Variants in TRIQK observed in about 807,000 individuals in gnomAD.
TRIQK encodes triple QxxK/R motif containing, also known as triple QxxK/R motif-containing protein.
TRIQK carries 10 observed loss-of-function variants against 10.8 expected under a neutral mutation model. The observed-to-expected ratio is 0.92, with a 90% CI of 0.57 to 1.57. TRIQK has a LOEUF of 1.57. Among genes scored for constraint, TRIQK ranks in the 40% most tolerant of loss-of-function variants. The pLI is 0.00. For missense variants in TRIQK, 107 were observed against 97.7 expected (o/e 1.09, Z -0.40); for synonymous variants, 33 against 33.7 (o/e 0.98, Z 0.07).
Position 92,955,168 on chromosome 8 carries a change from G to C in TRIQK, c.-180-604C>G, listed in dbSNP as rs758252299. Among the ~76,000 whole-genome samples, 5 of 151,740 alleles carry C rather than the reference G, an allele frequency of 3.3e-5. No individual in the cohort carries two copies. The East Asian group carries it at 5.8e-4, about 18-fold the overall frequency. ...ACTGCAATTGCTCTCATATGGATAA[G>C]AGTATAAAATTTAAGTATTTCCAAA... On this transcript the variant is annotated intron_variant, in intron 1 of 4. Transcript: ENST00000521988.
intron 1 of TRIQK, among the ~76,000 whole-genome samples, chr8:93,012,577 T>C (rs1432941440): frequency 6.6e-6 from 1 of 152,206 alleles, no homozygotes; most frequent in Non-Finnish European, 1.5e-5. Context: ...TGCTTTTTTT[T>C]CTTTAATTTT....
chr8:92,967,642 T>G (rs564646080), upstream of TRIQK, among the ~76,000 whole-genome samples: 1 of 151,798 alleles, frequency 6.6e-6, no homozygotes, highest in African/African-American at 2.4e-5. Flanking sequence ...GCCAACATGG[T>G]GAAACCCCGT....
At chr8:92,967,324 T>G (rs998057276), upstream of TRIQK, among the ~76,000 whole-genome samples, 6 of 151,754 alleles carry the variant, frequency 4.0e-5, no homozygotes, top group Non-Finnish European at 2.9e-5. Context: ...TCTGGACAAG[T>G]GCCTTGAGAT....
chr8:92,952,512 A>G (rs1811962078), intron 2 of TRIQK, among the ~76,000 whole-genome samples: 1 of 151,960 alleles, frequency 6.6e-6, no homozygotes, highest in African/African-American at 2.4e-5. Flanking sequence ...GAATATCAGA[A>G]GATGAAGAAA....
intron 2 of TRIQK, among the ~76,000 whole-genome samples, chr8:92,930,459 G>A (rs1424439213): frequency 2.0e-5 from 3 of 148,218 alleles, no homozygotes; most frequent in Non-Finnish European, 4.5e-5. Flanking sequence ...TGCAGACCCT[G>A]TTTTCAGGAT....
intron 1 of TRIQK, chr8:92,960,654 A>G (rs1214821016): frequency 6.6e-6 from 1 of 152,154 alleles, no homozygotes; most frequent in African/African-American, 2.4e-5. Context: ...GATTGCTGCA[A>G]TGTTGCTGGC....
intron 3 of TRIQK, among the ~76,000 whole-genome samples, chr8:92,907,946 C>T (rs1048023381): frequency 6.6e-6 from 1 of 152,002 alleles, no homozygotes; most frequent in Non-Finnish European, 1.5e-5. Context: ...CCTCATATTA[C>T]ACTATTTTAG....
chr8:92,932,639 T>C (rs1204442208), intron 2 of TRIQK, among the ~76,000 whole-genome samples: 2 of 152,184 alleles, frequency 1.3e-5, no homozygotes, highest in Admixed American at 1.3e-4. Context: ...ATTAATTATA[T>C]TCTGACAGGT....
At chr8:92,965,974 T>G (rs1812730976) in intron 1 of TRIQK, 33 bp downstream of exon 1, 4 of 152,596 alleles carry the variant, frequency 2.6e-5, no homozygotes, top group Admixed American at 1.3e-4. Flanking sequence ...GGGCAGGGTC[T>G]CCCCAATCCC....
intron 4 of TRIQK, 168 bp from the exon 5 acceptor site, chr8:92,886,903 T>G (rs1816513682): frequency 4.3e-6 from 2 of 466,688 alleles, no homozygotes; most frequent in African/African-American, 4.0e-5. Flanking sequence ...GAAACTGTTT[T>G]GTACTGGCAA....
intron 4 of TRIQK, among the ~76,000 whole-genome samples, chr8:92,889,958 G>A (rs1816676914): frequency 6.6e-6 from 1 of 151,646 alleles, no homozygotes; most frequent in Non-Finnish European, 1.5e-5. Context: ...TCATTCAAAA[G>A]ACTATGTAGT....
intron 2 of TRIQK, among the ~76,000 whole-genome samples, chr8:92,933,045 G>A (rs1810814201): frequency 6.6e-6 from 1 of 152,010 alleles, no homozygotes; most frequent in African/African-American, 2.4e-5. Flanking sequence ...AGCAAGATCT[G>A]GGGACAAGAT....
At chr8:92,935,590 G>C (rs1284665514) in intron 2 of TRIQK, among the ~76,000 whole-genome samples, 1 of 151,362 alleles carries the variant, frequency 6.6e-6, no homozygotes, top group Admixed American at 6.6e-5. Context: ...ATTACAAAAA[G>C]TCATAAACTA....
At chr8:92,985,237 T>TGCAC (rs1813020521) in intron 1 of TRIQK, among the ~76,000 whole-genome samples, 1 of 152,184 alleles carries the variant, frequency 6.6e-6, no homozygotes, top group African/African-American at 2.4e-5. Context: ...TGTGTGTGTG[T>TGCAC]GTGCACGCGC....
chr8:92,966,540 CAG>C (rs1812759044), upstream of TRIQK, among the ~76,000 whole-genome samples: 1 of 152,016 alleles, frequency 6.6e-6, no homozygotes, highest in Non-Finnish European at 1.5e-5. Flanking sequence ...TAACATTAAC[CAG>C]AGATTAATAA....
At chr8:92,938,022 T>C (rs1296856096) in intron 2 of TRIQK, among the ~76,000 whole-genome samples, 1 of 152,026 alleles carries the variant, frequency 6.6e-6, no homozygotes, top group Admixed American at 6.6e-5. Context: ...TCCATTAACA[T>C]TACTTGCAGT....
At chr8:92,939,029 C>T (rs539124536) in intron 2 of TRIQK, among the ~76,000 whole-genome samples, 29 of 152,210 alleles carry the variant, frequency 1.9e-4, no homozygotes, top group African/African-American at 7.0e-4. Context: ...TGTGGCATGA[C>T]TAGTAATTTT....
intron 1 of TRIQK, among the ~76,000 whole-genome samples, chr8:92,990,456 G>A (rs1462371021): frequency 6.6e-6 from 1 of 151,976 alleles, no homozygotes; most frequent in African/African-American, 2.4e-5. Flanking sequence ...CGTAGTTGTC[G>A]CTGGCAAGAT....
At chr8:92,928,725 T>G (rs1372003910) in intron 2 of TRIQK, among the ~76,000 whole-genome samples, 1 of 152,226 alleles carries the variant, frequency 6.6e-6, no homozygotes, top group Non-Finnish European at 1.5e-5. Context: ...TGTGAAGCCC[T>G]TCAGCCTCTC....
Sources: gnomAD v4.1 joint callset for allele counts (sites outside exome capture counted in the v4.1 genomes callset) on GRCh38, gnomAD v4.1.1 for gene constraint, MANE v1.5 for transcripts, NCBI Gene and HGNC (gene_info 2026-07-23, HGNC 2026-07-21) for gene names.